Variants in SMAD6 observed in about 807,000 individuals in gnomAD.
The protein encoded by SMAD6 is SMAD family member 6, also known as MAD homolog 6.
SMAD6 carries 103 observed loss-of-function variants against 39.4 expected under a neutral mutation model. That is an observed-to-expected ratio of 2.62 (90% CI 2.23 to 3.08). The LOEUF is 3.08. SMAD6 is among the 30% of genes most tolerant of loss of function. The pLI, the probability that SMAD6 is intolerant of heterozygous loss-of-function variation, is 0.00. For missense variants in SMAD6, 1,104 were observed against 742.9 expected, an observed-to-expected ratio of 1.49 and a Z score of -5.65; for synonymous variants, 445 against 353.3, an observed-to-expected ratio of 1.26 and a Z score of -2.91.
intron 3 of SMAD6, among the ~76,000 whole-genome samples, chr15:66,750,590 ACC>A (rs1419559853): frequency 4.7e-5 from 7 of 150,186 alleles, no homozygotes; most frequent in African/African-American, 1.2e-4. Flanking sequence ...CCAGGAGCAG[ACC>A]TCGCACCAAA....
intron 3 of SMAD6, among the ~76,000 whole-genome samples, chr15:66,765,701 G>C (rs540425232): frequency 6.6e-6 from 1 of 152,314 alleles, no homozygotes; most frequent in Admixed American, 6.5e-5. Context: ...GAGTCACATT[G>C]TGGCTTTATG....
At position 66,703,588 on chromosome 15, in the gene SMAD6, G is replaced by T; in HGVS notation, c.330G>T (p.Pro110=). The change falls in exon 1 of 4, where the codon CCG becomes CCT. Residue 110 remains proline, a synonymous_variant. Coordinates refer to ENST00000288840, the MANE Select transcript of SMAD6 (RefSeq NM_005585.5). ...AGSSLLDVAE[P]GGPGWLPESD... is the part of the protein sequence containing the mutation. Reference sequence around the variant, plus strand: ...GCTCCCTGCTGGACGTGGCGGAGCCGGGAGGCCCGGGCTGGCTGCCCGAGA... The same window carrying T: ...GCTCCCTGCTGGACGTGGCGGAGCCTGGAGGCCCGGGCTGGCTGCCCGAGA... 8.2e-7 allele frequency: 1 copy of T among 1,226,992 alleles called. No homozygotes were observed. Among genetic ancestry groups the T allele is most frequent in the Non-Finnish European group, 1.0e-6 (1 of 981,452 alleles). 76.0% of individuals were successfully genotyped at this position (1,226,992 alleles called of 1,614,324 possible). A position where few individuals can be genotyped will look rare whatever the true frequency, so the allele number is the denominator to read the frequency against.
At chr15:66,767,918 C>CTTTG (rs1567112218) in intron 3 of SMAD6, among the ~76,000 whole-genome samples, 1 of 144,748 alleles carries the variant, frequency 6.9e-6, no homozygotes, top group Non-Finnish European at 1.5e-5. Context: ...AATGTCCCAC[C>CTTTG]TTTGTACTTT....
At chr15:66,774,245 T>C (rs1197714409) in intron 3 of SMAD6, among the ~76,000 whole-genome samples, 1 of 152,162 alleles carries the variant, frequency 6.6e-6, no homozygotes, top group Non-Finnish European at 1.5e-5. Flanking sequence ...CACAGGAACG[T>C]TCCTGCCCTT....
rs1428717751 is a variant in SMAD6, at chr15:66,751,770, G to A, written c.953-29227G>A. Among the ~76,000 whole-genome samples, 3 of 152,240 alleles carry A rather than the reference G, an allele frequency of 2.0e-5. No individual in the cohort carries two copies. The East Asian group carries it at 5.8e-4, about 29-fold the overall frequency. On this transcript the variant is annotated intron_variant, in intron 3 of 3. Transcript: ENST00000288840. The stretch of plus-strand genomic sequence containing the variant: ...CCATTCTACCCCCCACACCTGCATG[G>A]TGCCAGGCACAGAGCAGGATGTCAG...
At position 66,722,255 on chromosome 15, in the gene SMAD6, G is replaced by A. The variant is rs1317971569; in HGVS notation, c.952+5757G>A. Among the ~76,000 whole-genome samples, 7 of 152,260 alleles carry A rather than the reference G, an allele frequency of 4.6e-5. No individual in the cohort carries two copies. In the East Asian group the frequency reaches 1.2e-3, roughly 25 times the overall value. Reference sequence around the variant, plus strand: ...ATGACGATGCTCAAGCCTGTCACGTGAGAGTGCTCATTGCCTGTGGGTCTG... The same window carrying A: ...ATGACGATGCTCAAGCCTGTCACGTAAGAGTGCTCATTGCCTGTGGGTCTG... On this transcript the variant is annotated intron_variant, in intron 3 of 3. Transcript: ENST00000288840.
intron 3 of SMAD6, among the ~76,000 whole-genome samples, chr15:66,743,063 C>T (rs1893844109): frequency 6.6e-6 from 1 of 152,100 alleles, no homozygotes; most frequent in Non-Finnish European, 1.5e-5. Context: ...CCTTTATAGC[C>T]CCGCCCTGCC....
At chr15:66,736,987 G>A (rs527984637) in intron 3 of SMAD6, among the ~76,000 whole-genome samples, 1 of 152,316 alleles carries the variant, frequency 6.6e-6, no homozygotes, top group East Asian at 1.9e-4. Context: ...CCTTTTTAAA[G>A]CTCTGCAGGT....
At position 66,716,429 on chromosome 15, in the gene SMAD6, G is replaced by C; in HGVS notation, c.883G>C (p.Asp295His). ...RDEYKPLDLSDSTLSYTETEA... is the reference protein window; with the variant it reads ...RDEYKPLDLSHSTLSYTETEA... ...TTTCTTTCCTCCCACAGATCTGTCC[G>C]ATTCCACATTGTCTTACACTGAAAC... is the stretch of plus-strand genomic sequence containing the variant. Residue 295 changes from aspartate (D) to histidine (H), a missense_variant, in exon 3 of 4, where the codon GAT becomes CAT. Physicochemically the swap from Asp to His is moderately conservative, Grantham distance 81. Coordinates refer to ENST00000288840, the MANE Select transcript of SMAD6 (RefSeq NM_005585.5). 6.2e-7 allele frequency: 1 copy of C among 1,612,778 alleles called. No homozygotes were observed. The highest frequency in any genetic ancestry group is 8.5e-7 in the Non-Finnish European group (1 of 1,178,750).
At chr15:66,737,671 C>A in intron 3 of SMAD6, among the ~76,000 whole-genome samples, 1 of 150,450 alleles carries the variant, frequency 6.6e-6, no homozygotes, top group Admixed American at 6.6e-5. Flanking sequence ...CTTTGCAGCC[C>A]AAAGGTAAAC....
In SMAD6 at chr15:66,703,239, C is replaced by T. The variant is rs1488017475; in HGVS notation, c.-20C>T. 11 of 1,379,176 alleles carry T rather than the reference C, an allele frequency of 8.0e-6. No individual in the cohort carries two copies. The highest frequency in any genetic ancestry group is 3.1e-5 in the East Asian group (1 of 32,718). The allele number at this position is 1,379,176 out of a possible 1,614,324, so 85.4% of individuals were successfully genotyped here. On this transcript the variant is annotated 5_prime_UTR_variant, in exon 1 of 4. Transcript: ENST00000288840. The stretch of plus-strand genomic sequence containing the variant: ...ACCGGAGACCGCCTCCCCCCCACCC[C>T]TGGCGCCAAAGGATATCGTATGTTC...
chr15:66,708,491 C>T (rs1893163920), intron 1 of SMAD6, among the ~76,000 whole-genome samples: 1 of 152,242 alleles, frequency 6.6e-6, no homozygotes, highest in South Asian at 2.1e-4. Context: ...GCACATTATT[C>T]ATAACAGCCA....
rs1893892766 is a variant in SMAD6 at position 66,745,549 on chromosome 15, AT to A, written c.952+29053del. The stretch of plus-strand genomic sequence containing the variant: ...TCCTACTCCAGGAGGACACTTTTAC[AT>A]TGGCACAAACACCCATCTTAGATGT... On this transcript the variant is annotated intron_variant, in intron 3 of 3. Transcript: ENST00000288840. 2.0e-5 allele frequency among the ~76,000 whole-genome samples: 3 copies of A among 152,218 alleles called. No homozygotes were observed. In the South Asian group the frequency reaches 6.2e-4, roughly 32 times the overall value.
intron 1 of SMAD6, among the ~76,000 whole-genome samples, chr15:66,711,104 A>G (rs1321625458): frequency 6.6e-6 from 1 of 152,226 alleles, no homozygotes; most frequent in Non-Finnish European, 1.5e-5. Flanking sequence ...TTCGAGTATC[A>G]GATAAACAAC....
intron 3 of SMAD6, among the ~76,000 whole-genome samples, chr15:66,751,917 G>A (rs1235663392): frequency 1.3e-5 from 2 of 152,238 alleles, no homozygotes; most frequent in African/African-American, 4.8e-5. Flanking sequence ...GCCAGAATTG[G>A]AGTCGGGCCT....
intron 3 of SMAD6, among the ~76,000 whole-genome samples, chr15:66,761,427 C>T (rs1894196999): frequency 1.3e-5 from 2 of 152,214 alleles, no homozygotes; most frequent in Non-Finnish European, 2.9e-5. Context: ...GCTGGCCAGC[C>T]AGGGCGGGTC....
At chr15:66,709,732 G>A (rs544388332) in intron 1 of SMAD6, among the ~76,000 whole-genome samples, 1 of 152,292 alleles carries the variant, frequency 6.6e-6, no homozygotes, top group African/African-American at 2.4e-5. Flanking sequence ...TCGATACCTA[G>A]CTCCTGAGGG....
At chr15:66,723,514 T>A (rs1567098738) in intron 3 of SMAD6, among the ~76,000 whole-genome samples, 2 of 152,000 alleles carry the variant, frequency 1.3e-5, no homozygotes, top group Admixed American at 1.3e-4. Flanking sequence ...CCCTACCTCT[T>A]AAAAAAATTT....
chr15:66,768,032 C>T (rs1248655182), intron 3 of SMAD6, among the ~76,000 whole-genome samples: 1 of 135,634 alleles, frequency 7.4e-6, no homozygotes, highest in Admixed American at 9.0e-5. Context: ...TGCAGTGGTG[C>T]CACCACGGTT....
Sources: gnomAD v4.1 joint callset for allele counts (sites outside exome capture counted in the v4.1 genomes callset) on GRCh38, gnomAD v4.1.1 for gene constraint, MANE v1.5 for transcripts, NCBI Gene and HGNC (gene_info 2026-07-23, HGNC 2026-07-21) for gene names.